Variants in IRF2BPL observed in about 807,000 individuals in gnomAD.
IRF2BPL encodes probable E3 ubiquitin-protein ligase IRF2BPL.
IRF2BPL carries 13 observed loss-of-function variants against 51.2 expected under a neutral mutation model. That is an observed-to-expected ratio of 0.25 (90% CI 0.17 to 0.40). The LOEUF is 0.40. Ranked by LOEUF, IRF2BPL falls within the 10% of genes least tolerant of loss-of-function variation. IRF2BPL has a pLI of 1.00. For missense variants in IRF2BPL, 1,210 were observed against 1,111.8 expected (o/e 1.09, Z -1.26); for synonymous variants, 768 against 509.2 (o/e 1.51, Z -6.84).
Position 77,027,236 on chromosome 14 carries a change from G to A in IRF2BPL, c.557C>T (p.Thr186Ile), listed in dbSNP as rs759533607. ...CCCCAGGCCGTTGGGCAGTCGCGCG[G>A]TGTGGCTGCTGCTTCCCAGGCTCAC... ...PPVSLGSSSH[T>I]ARLPNGLGGP... Residue 186 changes from threonine to isoleucine, a missense_variant, in exon 1 of 1, where the codon ACC (threonine) becomes ATC (isoleucine). Transcript: ENST00000238647. 14 of 1,600,808 alleles carry A rather than the reference G, an allele frequency of 8.7e-6. No individual in the cohort carries two copies. In the East Asian group the frequency reaches 2.3e-4, roughly 26 times the overall value.
chr14:77,025,895 G>T lies in IRF2BPL; in HGVS notation c.1898C>A (p.Thr633Asn), dbSNP rs768350296. The T allele has an allele frequency of 6.2e-7, 1 of 1,612,194 alleles. No homozygotes were observed. The highest frequency in any genetic ancestry group is 1.1e-5 in the South Asian group (1 of 91,024). Residue 633 changes from threonine to asparagine, a missense_variant, in exon 1 of 1, where the codon ACT (threonine) becomes AAT (asparagine). By Grantham distance (65) the Thr-to-Asn change is moderately conservative (BLOSUM62 0). Coordinates refer to ENST00000238647, the MANE Select transcript of IRF2BPL (RefSeq NM_024496.4). ...CTTGGGCGAGTGCGCTGTGCCCAGA[G>T]TATCTGCCACCGACATGAGAGCGGC... ...PMAALMSVAD[T>N]LGTAHSPKDG...
Position 77,025,555 on chromosome 14 carries a change from A to G in IRF2BPL, c.2238T>C (p.Ser746=). The change falls in exon 1 of 1, where the codon AGT becomes AGC. Residue 746 remains serine, a synonymous_variant. Transcript: ENST00000238647. ...HKFCFPCSRE[S]IKAQGATGEV... ...CGCCGGTGGCCCCCTGGGCCTTGAT[A>G]CTCTCTCTAGAGCAAGGGAAGCAAA... The G allele has an allele frequency of 1.2e-6, 2 of 1,613,398 alleles. No homozygotes were observed. The highest frequency in any genetic ancestry group is 1.7e-6 in the Non-Finnish European group (2 of 1,179,692).
In IRF2BPL at chr14:77,026,116, C is replaced by T; in HGVS notation, c.1677G>A (p.Lys559=). 2 of 1,570,726 alleles carry T rather than the reference C, an allele frequency of 1.3e-6. No individual in the cohort carries two copies. The highest frequency in any genetic ancestry group is 1.8e-5 in the Admixed American group (1 of 55,778). Residue 559 remains lysine (K), a synonymous_variant, in exon 1 of 1, where the codon AAG becomes AAA. Coordinates refer to ENST00000238647, the MANE Select transcript of IRF2BPL (RefSeq NM_024496.4). The part of the protein sequence containing the change: ...EPPDSAEGAL[K]LGEEQQRQQW... ...GCTGCCTCTGCTGTTCCTCGCCCAG[C>T]TTCAGCGCGCCCTCGGCTGAGTCCG... is the stretch of plus-strand genomic sequence containing the variant.
Position 77,025,563 on chromosome 14 carries a change from T to A in IRF2BPL, c.2230A>T (p.Arg744Ter). The change falls in exon 1 of 1, where the codon AGA becomes TGA. Residue 744 changes from arginine (R) to a stop codon, truncating the protein, a stop_gained. Coordinates refer to ENST00000238647, the MANE Select transcript of IRF2BPL (RefSeq NM_024496.4). LOFTEE classifies it high-confidence loss of function. ...GCCCCCTGGGCCTTGATACTCTCTCTAGAGCAAGGGAAGCAAAATTTGTGG... is the reference window on the plus strand; with the variant it reads ...GCCCCCTGGGCCTTGATACTCTCTCAAGAGCAAGGGAAGCAAAATTTGTGG... ...PSHKFCFPCSRESIKAQGATG... is the reference protein window; with the variant it reads ...PSHKFCFPCS 6.2e-7 allele frequency: 1 copy of A among 1,611,364 alleles called. No homozygotes were observed. The highest frequency in any genetic ancestry group is 8.5e-7 in the Non-Finnish European group (1 of 1,178,888).
At position 77,028,006 on chromosome 14, in the gene IRF2BPL, G is replaced by C. The variant is rs1885214339; in HGVS notation, c.-214C>G. 3.9e-6 allele frequency: 2 copies of C among 518,030 alleles called. No homozygotes were observed. Among genetic ancestry groups the C allele is most frequent in the Non-Finnish European group, 6.5e-6 (2 of 307,182 alleles). The allele number at this position is 518,030 out of a possible 1,614,324, so 32.1% of individuals were successfully genotyped here. A position where few individuals can be genotyped will look rare whatever the true frequency, so the allele number is the denominator to read the frequency against. On this transcript the variant is annotated 5_prime_UTR_variant, in exon 1 of 1. Coordinates refer to ENST00000238647, the MANE Select transcript of IRF2BPL (RefSeq NM_024496.4). The stretch of plus-strand genomic sequence containing the variant: ...GCTCCACCGCCCGGGCAGCGGACGG[G>C]TTCAGCCCTCTCTTCGCCCCCACCT...
Position 77,025,907 on chromosome 14 carries a change from G to A in IRF2BPL, c.1886C>T (p.Ser629Leu), listed in dbSNP as rs1207842859. ...CGCTGTGCCCAGAGTATCTGCCACC[G>A]ACATGAGAGCGGCCATAGGGGACGG... ...NGPSPMAALM[S>L]VADTLGTAHS... Residue 629 changes from serine to leucine, a missense_variant, in exon 1 of 1, where the codon TCG becomes TTG. By Grantham distance (145) the Ser-to-Leu change is moderately radical (BLOSUM62 -2). Coordinates refer to ENST00000238647, the MANE Select transcript of IRF2BPL (RefSeq NM_024496.4). The A allele has an allele frequency of 1.9e-6, 3 of 1,611,746 alleles. No homozygotes were observed. Among genetic ancestry groups the A allele is most frequent in the East Asian group, 2.2e-5 (1 of 44,826 alleles).
Position 77,025,552 on chromosome 14 carries a change from G to A in IRF2BPL, c.2241C>T (p.Ile747=). 6.2e-7 allele frequency: 1 copy of A among 1,613,724 alleles called. No homozygotes were observed. The highest frequency in any genetic ancestry group is 2.2e-5 in the East Asian group (1 of 44,880). Residue 747 remains isoleucine, a synonymous_variant, in exon 1 of 1, where the codon ATC becomes ATT. Coordinates refer to ENST00000238647, the MANE Select transcript of IRF2BPL (RefSeq NM_024496.4). The part of the protein sequence containing the change: ...KFCFPCSRES[I]KAQGATGEVY... Reference sequence around the variant, plus strand: ...CCTCGCCGGTGGCCCCCTGGGCCTTGATACTCTCTCTAGAGCAAGGGAAGC... The same window carrying A: ...CCTCGCCGGTGGCCCCCTGGGCCTTAATACTCTCTCTAGAGCAAGGGAAGC...
Position 77,027,889 on chromosome 14 carries a change from C to G in IRF2BPL, c.-97G>C. On this transcript the variant is annotated 5_prime_UTR_variant, in exon 1 of 1. Coordinates refer to ENST00000238647, the MANE Select transcript of IRF2BPL (RefSeq NM_024496.4). Reference sequence around the variant, plus strand: ...GCCGGCTGGGGAGGGAGTCCGACTGCGGGGGAGGGAGGAGGGGGGGCGAGA... The same window carrying G: ...GCCGGCTGGGGAGGGAGTCCGACTGGGGGGGAGGGAGGAGGGGGGGCGAGA... 1.5e-6 allele frequency: 2 copies of G among 1,306,456 alleles called. No individual in the cohort carries two copies. Among genetic ancestry groups the G allele is most frequent in the Admixed American group, 3.2e-5 (1 of 31,404 alleles). 80.9% of individuals were successfully genotyped at this position (1,306,456 alleles called of 1,614,324 possible). A position where few individuals can be genotyped will look rare whatever the true frequency, so the allele number is the denominator to read the frequency against.
At position 77,026,938 on chromosome 14, in the gene IRF2BPL, CGGG is replaced by C; in HGVS notation, c.852_854del (p.Pro285del). On this transcript the variant is annotated inframe_deletion, in exon 1 of 1. Coordinates refer to ENST00000238647, the MANE Select transcript of IRF2BPL (RefSeq NM_024496.4). ...CAGGAGCCCCTGGGGGAGCAGGCGT[CGGG>C]GGCCCACGGCTGCCCAGGGCGTGGG... The C allele has an allele frequency of 1.4e-6, 2 of 1,465,506 alleles. No individual in the cohort carries two copies. Among genetic ancestry groups the C allele is most frequent in the Non-Finnish European group, 1.8e-6 (2 of 1,109,928 alleles). The allele number at this position is 1,465,506 out of a possible 1,614,324, so 90.8% of individuals were successfully genotyped here.
Position 77,027,655 on chromosome 14 carries a change from G to A in IRF2BPL, c.138C>T (p.Arg46=). 3.1e-6 allele frequency: 5 copies of A among 1,611,232 alleles called. No individual in the cohort carries two copies. The highest frequency in any genetic ancestry group is 1.1e-5 in the South Asian group (1 of 90,966). ...GCGCTGTCTCGATCACGAATTCGAT[G>A]CGATCAGCGCCCTCGTAGTTGACGC... ...RGCVNYEGAD[R]IEFVIETARQ... Residue 46 remains arginine (R), a synonymous_variant, in exon 1 of 1, where the codon CGC becomes CGT. Coordinates refer to ENST00000238647, the MANE Select transcript of IRF2BPL (RefSeq NM_024496.4).
chr14:77,025,200 A>G lies in IRF2BPL; in HGVS notation c.*202T>C. The stretch of plus-strand genomic sequence containing the variant: ...AAACCAGCTTATCCTTCAAATGAAG[A>G]AGTTACATACCTTTGTTTCAAAATA... On this transcript the variant is annotated 3_prime_UTR_variant, in exon 1 of 1. Coordinates refer to ENST00000238647, the MANE Select transcript of IRF2BPL (RefSeq NM_024496.4). The G allele has an allele frequency of 2.3e-6, 1 of 444,366 alleles. No homozygotes were observed. The highest frequency in any genetic ancestry group is 4.0e-6 in the Non-Finnish European group (1 of 250,732). 27.5% of individuals were successfully genotyped at this position (444,366 alleles called of 1,614,324 possible). A position where few individuals can be genotyped will look rare whatever the true frequency, so the allele number is the denominator to read the frequency against.
rs551581162 is a variant in IRF2BPL at position 77,026,038 on chromosome 14, G to T, written c.1755C>A (p.Gly585=). The T allele has an allele frequency of 5.1e-6, 8 of 1,563,444 alleles. No homozygotes were observed. Among genetic ancestry groups the T allele is most frequent in the South Asian group, 4.6e-5 (4 of 86,164 alleles). The change falls in exon 1 of 1, where the codon GGC becomes GGA. Residue 585 remains glycine (G), a synonymous_variant. Coordinates refer to ENST00000238647, the MANE Select transcript of IRF2BPL (RefSeq NM_024496.4). ...CCGCCGCGTGCCCCGGCGCCGCGAAGCCCCCGGCGGACATGGTGAGCTTCA... is the reference window on the plus strand; with the variant it reads ...CCGCCGCGTGCCCCGGCGCCGCGAATCCCCCGGCGGACATGGTGAGCTTCA... The part of the protein sequence containing the change: ...EALKLTMSAG[G]FAAPGHAAGG...
Position 77,027,163 on chromosome 14 carries a change from C to T in IRF2BPL, c.630G>A (p.Glu210=), listed in dbSNP as rs754885528. The T allele has an allele frequency of 2.4e-5, 39 of 1,613,122 alleles. No homozygotes were observed. Among genetic ancestry groups the T allele is most frequent in the Middle Eastern group, 1.7e-4 (1 of 6,054 alleles). The stretch of plus-strand genomic sequence containing the variant: ...AAGAATTGGGGCTCTGACGGTTCAG[C>T]TCTGGGGGTCCCTCCTCTGGTGTTG... The part of the protein sequence containing the change: ...PKPTPEEGPP[E]LNRQSPNSSS... Residue 210 remains glutamate (E), a synonymous_variant, in exon 1 of 1, where the codon GAG becomes GAA. Coordinates refer to ENST00000238647, the MANE Select transcript of IRF2BPL (RefSeq NM_024496.4).
In IRF2BPL at chr14:77,024,996, A is replaced by AAAAAAAG. The variant is rs1885066742; in HGVS notation, c.*405_*406insCTTTTTT. 1.2e-5 allele frequency: 1 copy of AAAAAAAG among 83,904 alleles called. No homozygotes were observed. The highest frequency in any genetic ancestry group is 1.8e-4 in the Admixed American group (1 of 5,490). The allele number at this position is 83,904 out of a possible 1,614,324, so 5.2% of individuals were successfully genotyped here. On this transcript the variant is annotated 3_prime_UTR_variant, in exon 1 of 1. Coordinates refer to ENST00000238647, the MANE Select transcript of IRF2BPL (RefSeq NM_024496.4). ...GCAAAAAAAAAAAAAAAAAAAAAAA[A>AAAAAAAG]GTCTTTTTCTTTTGTGTGTGTTTTT...
chr14:77,027,166 TG>T lies in IRF2BPL; in HGVS notation c.626del (p.Pro209GlnfsTer3), dbSNP rs1469620543. The T allele has an allele frequency of 6.2e-7, 1 of 1,612,974 alleles. No individual in the cohort carries two copies. Among genetic ancestry groups the T allele is most frequent in the South Asian group, 1.1e-5 (1 of 91,012 alleles). On this transcript the variant is annotated frameshift_variant, in exon 1 of 1. Transcript: ENST00000238647. LOFTEE classifies it high-confidence loss of function. ...FPKPTPEEGP[P>X]ELNRQSPNSS... ...AATTGGGGCTCTGACGGTTCAGCTC[TG>T]GGGGTCCCTCCTCTGGTGTTGGTTT...
rs1566787277 is a variant in IRF2BPL, at chr14:77,027,804, T to TG, written c.-13dup. On this transcript the variant is annotated 5_prime_UTR_variant, in exon 1 of 1. Coordinates refer to ENST00000238647, the MANE Select transcript of IRF2BPL (RefSeq NM_024496.4). ...TGCGCCGCCGACATGATGCCTGCCC[T>TG]GGGGAAGGTAGGCCCCCGCCCGGGC... 4.6e-6 allele frequency: 7 copies of TG among 1,532,912 alleles called. 1 individual carries two copies. In the South Asian group the frequency reaches 8.5e-5, roughly 19 times the overall value. The allele number at this position is 1,532,912 out of a possible 1,614,324, so 95.0% of individuals were successfully genotyped here.
Position 77,026,897 on chromosome 14 carries a change from A to G in IRF2BPL, c.896T>C (p.Leu299Pro). The stretch of plus-strand genomic sequence containing the variant: ...GGCCGATACACCCGGGGTACCCCCG[A>G]GACAAGCGGGGCCCCCAGGAGCCCC... ...PPGAPGGPAC[L>P]GGTPGVSATS... is the part of the protein sequence containing the mutation. The change falls in exon 1 of 1, where the codon CTC becomes CCC. Residue 299 changes from leucine to proline, a missense_variant. Coordinates refer to ENST00000238647, the MANE Select transcript of IRF2BPL (RefSeq NM_024496.4). 6.6e-7 allele frequency: 1 copy of G among 1,524,210 alleles called. No homozygotes were observed. 94.4% of individuals were successfully genotyped at this position (1,524,210 alleles called of 1,614,324 possible). A position where few individuals can be genotyped will look rare whatever the true frequency, so the allele number is the denominator to read the frequency against.
rs1885160943 is a variant in IRF2BPL at position 77,027,211 on chromosome 14, C to T, written c.582G>A (p.Gly194=). ...TTGGTTTGGGGAAGCCGTTTGGGCC[C>T]CCCAGGCCGTTGGGCAGTCGCGCGG... The part of the protein sequence containing the change: ...SHTARLPNGL[G]GPNGFPKPTP... Residue 194 remains glycine (G), a synonymous_variant, in exon 1 of 1, where the codon GGG becomes GGA. Transcript: ENST00000238647. 2.5e-6 allele frequency: 4 copies of T among 1,608,660 alleles called. No homozygotes were observed. Among genetic ancestry groups the T allele is most frequent in the Non-Finnish European group, 3.4e-6 (4 of 1,177,628 alleles).
rs752173828 is a variant in IRF2BPL at position 77,025,662 on chromosome 14, C to T, written c.2131G>A (p.Gly711Arg). The part of the protein sequence containing the change: ...NIPDSPMANS[G>R]PLCCTICHER... ...TGGCAAATGGTGCAGCAGAGGGGTC[C>T]GCTGTTGGCCATGGGGGAATCCGGA... Residue 711 changes from glycine to arginine, a missense_variant, in exon 1 of 1, where the codon GGA becomes AGA. Physicochemically the swap from Gly to Arg is moderately radical, Grantham distance 125. Transcript: ENST00000238647. 2.6e-6 allele frequency: 4 copies of T among 1,564,660 alleles called. No individual in the cohort carries two copies. The highest frequency in any genetic ancestry group is 3.5e-6 in the Non-Finnish European group (4 of 1,152,480).
Sources: allele counts gnomAD v4.1 joint callset, GRCh38; gene constraint gnomAD v4.1.1; transcripts MANE v1.5; gene names NCBI Gene and HGNC (gene_info 2026-07-23, HGNC 2026-07-21).